Variants in B3GAT2 observed in about 807,000 individuals in gnomAD.
B3GAT2 encodes the protein galactosylgalactosylxylosylprotein 3-beta-glucuronosyltransferase 2.
A neutral mutation model predicts 27.8 loss-of-function variants in B3GAT2; 26 were observed. The ratio of observed to expected loss-of-function variants is 0.93; its 90% CI spans 0.68 to 1.30. The LOEUF (loss-of-function observed/expected upper bound fraction) is 1.30. B3GAT2 is among the 50% of genes most tolerant of loss of function. B3GAT2 has a pLI of 0.00. For missense variants in B3GAT2, 458 were observed against 459.0 expected (o/e 1.00, Z 0.02); for synonymous variants, 218 against 195.1 (o/e 1.12, Z -0.98).
chr6:70,939,790 T>C (rs902297489), intron 1 of B3GAT2, among the ~76,000 whole-genome samples: 2 of 151,954 alleles, frequency 1.3e-5, no homozygotes, highest in East Asian at 1.9e-4. Flanking sequence ...ATATACCTAA[T>C]GCTAAAAGAC....
At chr6:70,955,202 G>A (rs2150054713) in intron 1 of B3GAT2, among the ~76,000 whole-genome samples, 1 of 151,450 alleles carries the variant, frequency 6.6e-6, no homozygotes, top group African/African-American at 2.4e-5. Flanking sequence ...TAATCTTGAG[G>A]GTCAGAAAAG....
At chr6:70,880,152 G>A (rs936170391) in intron 2 of B3GAT2, among the ~76,000 whole-genome samples, 1 of 152,030 alleles carries the variant, frequency 6.6e-6, no homozygotes, top group African/African-American at 2.4e-5. Flanking sequence ...GTGGTAAACC[G>A]GACCGACTGT....
intron 2 of B3GAT2, among the ~76,000 whole-genome samples, chr6:70,866,161 A>T (rs562104751): frequency 4.6e-5 from 7 of 152,270 alleles, no homozygotes; most frequent in Non-Finnish European, 8.8e-5. Flanking sequence ...CAATTACTGG[A>T]GGGGACTAGT....
chr6:70,949,400 G>A (rs1192595662), intron 1 of B3GAT2, among the ~76,000 whole-genome samples: 4 of 152,168 alleles, frequency 2.6e-5, no homozygotes, highest in African/African-American at 9.7e-5. Flanking sequence ...TGAAGGACAT[G>A]AACAGACACT....
rs1771722584 is a variant in B3GAT2, at chr6:70,861,428, T to C, written c.*235A>G. The C allele has an allele frequency of 3.9e-6, 2 of 508,130 alleles. No individual in the cohort carries two copies. Among genetic ancestry groups the C allele is most frequent in the East Asian group, 6.5e-5 (2 of 30,786 alleles). The allele number at this position is 508,130 out of a possible 1,614,324, so 31.5% of individuals were successfully genotyped here. A position where few individuals can be genotyped will look rare whatever the true frequency, so the allele number is the denominator to read the frequency against. On this transcript the variant is annotated 3_prime_UTR_variant, in exon 4 of 4. Coordinates refer to ENST00000230053, the MANE Select transcript of B3GAT2 (RefSeq NM_080742.3). ...ACAAAAAAATCTTCCAATTTAGTTG[T>C]TGTAGAGAAAACATGCAGAACAAAT...
intron 1 of B3GAT2, among the ~76,000 whole-genome samples, chr6:70,911,505 T>A (rs1355159359): frequency 2.0e-5 from 3 of 152,198 alleles, no homozygotes; most frequent in Non-Finnish European, 4.4e-5. Flanking sequence ...TTGGTTTATG[T>A]GTCTGTTTTT....
chr6:70,917,673 G>A (rs1402945730), intron 1 of B3GAT2, among the ~76,000 whole-genome samples: 1 of 152,198 alleles, frequency 6.6e-6, no homozygotes, highest in African/African-American at 2.4e-5. Flanking sequence ...TCATTCAGGA[G>A]CAGGTTGTTC....
intron 2 of B3GAT2, among the ~76,000 whole-genome samples, chr6:70,891,503 T>A (rs1200270157): frequency 6.6e-6 from 1 of 152,180 alleles, no homozygotes. Flanking sequence ...TAGAATGACA[T>A]GAAACATCGC....
intron 2 of B3GAT2, among the ~76,000 whole-genome samples, chr6:70,863,023 G>A (rs780532814): frequency 3.6e-4 from 55 of 152,154 alleles, no homozygotes; most frequent in Admixed American, 1.3e-3. Flanking sequence ...TTAACAAACT[G>A]TTTAAAGCTC....
At chr6:70,904,002 A>G (rs1772554265) in intron 1 of B3GAT2, among the ~76,000 whole-genome samples, 2 of 152,238 alleles carry the variant, frequency 1.3e-5, no homozygotes, top group Non-Finnish European at 2.9e-5. Flanking sequence ...TCAACTTGTA[A>G]ATAGATAAAC....
rs569765617 is a variant in B3GAT2, at chr6:70,883,949, C to T, written c.736+10179G>A. ...AAACTCTGTCATGAGGTTATCCCAC[C>T]TGAGATGGACACAGGGGGTGGCCTG... On this transcript the variant is annotated intron_variant, in intron 2 of 3. Transcript: ENST00000230053. Among the ~76,000 whole-genome samples, 179 of 151,950 alleles carry T rather than the reference C, an allele frequency of 1.2e-3. 1 individual carries two copies. The highest frequency in any genetic ancestry group is 4.2e-3 in the African/African-American group (174 of 41,448).
At chr6:70,949,961 A>T (rs940553032) in intron 1 of B3GAT2, among the ~76,000 whole-genome samples, 3 of 150,802 alleles carry the variant, frequency 2.0e-5, no homozygotes, top group Middle Eastern at 6.8e-3. Context: ...AGGACAAAAA[A>T]CCAAACACCA....
chr6:70,915,573 A>C (rs1772759110), intron 1 of B3GAT2, among the ~76,000 whole-genome samples: 1 of 152,116 alleles, frequency 6.6e-6, no homozygotes, highest in African/African-American at 2.4e-5. Flanking sequence ...ATCTTGAGTT[A>C]ATTTTTGTAT....
rs546893425 is a variant in B3GAT2, at chr6:70,934,504, T to C, written c.591+21335A>G. On this transcript the variant is annotated intron_variant, in intron 1 of 3. Coordinates refer to ENST00000230053, the MANE Select transcript of B3GAT2 (RefSeq NM_080742.3). The stretch of plus-strand genomic sequence containing the variant: ...ACAAAGGTAATCAGAAATATTGCTA[T>C]CTTTATTAAGAAAGCCAATGTCTCT... 3.3e-5 allele frequency among the ~76,000 whole-genome samples: 5 copies of C among 152,278 alleles called. No homozygotes were observed. The East Asian group carries it at 7.7e-4, about 24-fold the overall frequency.
chr6:70,935,945 G>C (rs1328713837), intron 1 of B3GAT2, among the ~76,000 whole-genome samples: 1 of 151,538 alleles, frequency 6.6e-6, no homozygotes, highest in Non-Finnish European at 1.5e-5. Flanking sequence ...CCAATTAAAA[G>C]ACACAGACTG....
chr6:70,912,369 G>C (rs1233199405), intron 1 of B3GAT2, among the ~76,000 whole-genome samples: 1 of 152,042 alleles, frequency 6.6e-6, no homozygotes, highest in Non-Finnish European at 1.5e-5. Context: ...AGATGTATCT[G>C]CATCTATTGA....
At chr6:70,943,831 C>T (rs1289415406) in intron 1 of B3GAT2, among the ~76,000 whole-genome samples, 3 of 151,950 alleles carry the variant, frequency 2.0e-5, no homozygotes, top group Admixed American at 1.3e-4. Flanking sequence ...AATGTTTGGT[C>T]AAAGGATACA....
intron 1 of B3GAT2, among the ~76,000 whole-genome samples, chr6:70,941,347 A>T (rs1765389443): frequency 6.6e-6 from 1 of 152,148 alleles, no homozygotes; most frequent in Non-Finnish European, 1.5e-5. Flanking sequence ...ACTTGCCTAG[A>T]GCACTTAAAA....
chr6:70,896,448 T>C (rs1772387199), intron 1 of B3GAT2, among the ~76,000 whole-genome samples: 1 of 152,180 alleles, frequency 6.6e-6, no homozygotes, highest in South Asian at 2.1e-4. Context: ...TTTTGACATA[T>C]GTATATAGCC....
Sources: gnomAD v4.1 joint callset for allele counts (sites outside exome capture counted in the v4.1 genomes callset) on GRCh38, gnomAD v4.1.1 for gene constraint, MANE v1.5 for transcripts, NCBI Gene and HGNC (gene_info 2026-07-23, HGNC 2026-07-21) for gene names.